AKAP19: variants seen among roughly 807,000 people sequenced by gnomAD.
AKAP19 encodes the protein small A-kinase anchoring protein.
At chr2:189,931,573 C>G in the AKAP19 span, among the ~76,000 whole-genome samples, 1 of 152,036 alleles carries the variant, frequency 6.6e-6, no homozygotes, top group Non-Finnish European at 1.5e-5. Flanking sequence ...GCTATGTTCC[C>G]CAGGCTGGTC....
the AKAP19 span, among the ~76,000 whole-genome samples, chr2:190,012,353 A>T: frequency 6.6e-6 from 1 of 152,208 alleles, no homozygotes; most frequent in East Asian, 1.9e-4. Context: ...GGTTAAATGT[A>T]TTTCTAAGTA....
At chr2:189,951,257 A>G in the AKAP19 span, among the ~76,000 whole-genome samples, 2 of 139,782 alleles carry the variant, frequency 1.4e-5, no homozygotes, top group African/African-American at 5.6e-5. Context: ...GCTGGAGTGC[A>G]ATGATGCGAT....
chr2:190,186,924 C>G, the AKAP19 span, among the ~76,000 whole-genome samples: 2 of 152,198 alleles, frequency 1.3e-5, no homozygotes, highest in African/African-American at 4.8e-5. The surrounding 1 kb of genome is among the most constrained non-coding windows in gnomAD (Gnocchi z 5.5). Context: ...ACTGCAACTT[C>G]CGCCTCCCAG....
At chr2:190,096,880 G>A in the AKAP19 span, among the ~76,000 whole-genome samples, 10 of 152,162 alleles carry the variant, frequency 6.6e-5, no homozygotes, top group East Asian at 1.5e-3. Context: ...ACAGAAAGGC[G>A]AGAGACAGCC....
chr2:190,081,074 T>C, the AKAP19 span, among the ~76,000 whole-genome samples: 7 of 152,302 alleles, frequency 4.6e-5, no homozygotes, highest in Admixed American at 1.3e-4. Flanking sequence ...TTAAGATGGA[T>C]ACTGAGAGGG....
At chr2:189,916,174 C>G in the AKAP19 span, among the ~76,000 whole-genome samples, 1 of 151,966 alleles carries the variant, frequency 6.6e-6, no homozygotes, top group Non-Finnish European at 1.5e-5. Context: ...TACTTTTCAC[C>G]CAGTTCTCCT....
chr2:189,945,600 T>G, the AKAP19 span, among the ~76,000 whole-genome samples: 3 of 152,360 alleles, frequency 2.0e-5, no homozygotes, highest in African/African-American at 7.2e-5. Context: ...GTTTCTTGTT[T>G]TAAAATTATA....
the AKAP19 span, among the ~76,000 whole-genome samples, chr2:190,092,572 G>A: frequency 6.6e-6 from 1 of 151,004 alleles, no homozygotes; most frequent in African/African-American, 2.4e-5. Context: ...GACTTTCTGG[G>A]GTAGGTTTGC....
the AKAP19 span, among the ~76,000 whole-genome samples, chr2:189,887,302 A>G: frequency 2.6e-5 from 4 of 152,208 alleles, no homozygotes; most frequent in Admixed American, 2.6e-4. Context: ...TGCAAAGACC[A>G]TTAACTCATC....
At chr2:190,093,117 G>A in the AKAP19 span, among the ~76,000 whole-genome samples, 1 of 152,108 alleles carries the variant, frequency 6.6e-6, no homozygotes, top group Non-Finnish European at 1.5e-5. Context: ...CTAGATGAAT[G>A]TTTACAGTTT....
chr2:190,038,575 T>C, the AKAP19 span, among the ~76,000 whole-genome samples: 1 of 151,980 alleles, frequency 6.6e-6, no homozygotes, highest in Non-Finnish European at 1.5e-5. Flanking sequence ...CTTCTCTAAC[T>C]CTCTCCCTCA....
At chr2:190,115,935 T>TA in the AKAP19 span, among the ~76,000 whole-genome samples, 418 of 152,310 alleles carry the variant, frequency 2.7e-3, 6 homozygotes, top group Admixed American at 0.023. Flanking sequence ...GGCAATGTTC[T>TA]AGGAAGTTCA....
the AKAP19 span, among the ~76,000 whole-genome samples, chr2:190,059,005 A>AAT: frequency 1.3e-5 from 2 of 151,562 alleles, no homozygotes; most frequent in African/African-American, 4.8e-5. Context: ...TGTGTGTATA[A>AAT]ATATATATAT....
chr2:189,898,045 C>CA, the AKAP19 span, among the ~76,000 whole-genome samples: 1 of 151,886 alleles, frequency 6.6e-6, no homozygotes, highest in African/African-American at 2.4e-5. Context: ...CCCATCTCTA[C>CA]AAAAAATATA....
At chr2:189,976,008 G>A in the AKAP19 span, among the ~76,000 whole-genome samples, 1 of 152,294 alleles carries the variant, frequency 6.6e-6, no homozygotes, top group South Asian at 2.1e-4. Flanking sequence ...GTCCAGCTTT[G>A]TTCCATTGCT....
At chr2:190,114,321 G>T in the AKAP19 span, among the ~76,000 whole-genome samples, 1 of 152,086 alleles carries the variant, frequency 6.6e-6, no homozygotes, top group Non-Finnish European at 1.5e-5. Context: ...CCTACTCCTG[G>T]ATTCATTTCT....
At chr2:189,993,786 T>C in the AKAP19 span, among the ~76,000 whole-genome samples, 639 of 152,334 alleles carry the variant, frequency 4.2e-3, 9 homozygotes, top group African/African-American at 0.015. Flanking sequence ...TTTTCCAGTT[T>C]GTGCACATAA....
chr2:190,023,896 A>G, the AKAP19 span, among the ~76,000 whole-genome samples: 35 of 151,374 alleles, frequency 2.3e-4, no homozygotes, highest in Admixed American at 5.3e-4. Flanking sequence ...ACATTTTCCA[A>G]TTGAATTGCA....
the AKAP19 span, chr2:189,924,309 A>G: frequency 7.2e-6 from 7 of 976,750 alleles, no homozygotes; most frequent in South Asian, 6.9e-5. Context: ...CTCCCCTAGT[A>G]TCTTCAGCAC....
Sources: allele counts gnomAD v4.1 joint callset (sites outside exome capture counted in the v4.1 genomes callset), GRCh38; gene constraint gnomAD v4.1.1; non-coding constraint Gnocchi (gnomAD v3.1); transcripts MANE v1.5; gene names NCBI Gene and HGNC (gene_info 2026-07-23, HGNC 2026-07-21).